Variants in ARHGAP24 observed in about 807,000 individuals in gnomAD.
ARHGAP24 encodes the protein Rho GTPase activating protein 24, also known as rho GTPase-activating protein 24.
In ARHGAP24, 50 loss-of-function variants were observed where a neutral mutation model predicts 76.4. That is an observed-to-expected ratio of 0.65 (90% confidence interval 0.52 to 0.83). ARHGAP24 has a LOEUF of 0.83. Ranked by LOEUF, ARHGAP24 falls within the 40% of genes least tolerant of loss-of-function variation. The probability of loss-of-function intolerance (pLI) is 0.00; values close to 1 mark genes in which losing one functional copy is unlikely to be tolerated. For missense variants in ARHGAP24, 930 were observed against 914.2 expected, an observed-to-expected ratio of 1.02 and a Z score of -0.22; for synonymous variants, 345 against 323.3, an observed-to-expected ratio of 1.07 and a Z score of -0.72.
intron 3 of ARHGAP24, among the ~76,000 whole-genome samples, chr4:85,747,572 G>A (rs1286911002): frequency 1.3e-5 from 2 of 151,788 alleles, no homozygotes; most frequent in East Asian, 1.9e-4. Context: ...GCGTAGTGGC[G>A]GGCGCCTGTA....
intron 2 of ARHGAP24, among the ~76,000 whole-genome samples, chr4:85,714,782 C>G (rs904611208): frequency 2.0e-5 from 3 of 152,012 alleles, no homozygotes; most frequent in African/African-American, 7.2e-5. Context: ...CTTTTCTCCC[C>G]CTGGTAGTAC....
chr4:85,714,423 T>A (rs1048035230), intron 2 of ARHGAP24, among the ~76,000 whole-genome samples: 1 of 152,092 alleles, frequency 6.6e-6, no homozygotes, highest in Non-Finnish European at 1.5e-5. Flanking sequence ...AGAATGATAA[T>A]GCTTCTCAAG....
At chr4:85,968,321 G>T (rs1738754532) in intron 5 of ARHGAP24, among the ~76,000 whole-genome samples, 1 of 152,072 alleles carries the variant, frequency 6.6e-6, no homozygotes. Context: ...TTAGGTGAAG[G>T]ATTTTTATTC....
chr4:85,616,061 A>G (rs895416417), intron 2 of ARHGAP24, among the ~76,000 whole-genome samples: 1 of 152,238 alleles, frequency 6.6e-6, no homozygotes, highest in African/African-American at 2.4e-5. Context: ...CAGATCAGAC[A>G]CTGGAGAACT....
intron 5 of ARHGAP24, among the ~76,000 whole-genome samples, chr4:85,958,203 T>C (rs1738036094): frequency 6.6e-6 from 1 of 152,182 alleles, no homozygotes; most frequent in Non-Finnish European, 1.5e-5. Flanking sequence ...TCAAAACTAA[T>C]TTCCTCATAT....
chr4:85,599,652 C>T (rs902131436), intron 2 of ARHGAP24, among the ~76,000 whole-genome samples: 2 of 151,996 alleles, frequency 1.3e-5, no homozygotes. Context: ...GAGAAATACA[C>T]ATGAATTGCT....
At chr4:85,776,367 C>G (rs1159379797) in intron 3 of ARHGAP24, among the ~76,000 whole-genome samples, 1 of 152,156 alleles carries the variant, frequency 6.6e-6, no homozygotes, top group Non-Finnish European at 1.5e-5. Context: ...CCCCACTAAA[C>G]TACACTAGTA....
chr4:85,769,085 A>G (rs1727033317), intron 3 of ARHGAP24, among the ~76,000 whole-genome samples: 1 of 152,280 alleles, frequency 6.6e-6, no homozygotes, highest in African/African-American at 2.4e-5. Flanking sequence ...AGAAATAGTC[A>G]TATCCTTATG....
intron 5 of ARHGAP24, among the ~76,000 whole-genome samples, chr4:85,942,643 A>G (rs1289186853): frequency 2.6e-5 from 4 of 152,190 alleles, no homozygotes; most frequent in Non-Finnish European, 5.9e-5. Context: ...TAGAGATTGA[A>G]ATATTGGCAA....
intron 6 of ARHGAP24, among the ~76,000 whole-genome samples, chr4:85,973,831 TTG>T (rs1739136009): frequency 1.9e-5 from 2 of 103,114 alleles, no homozygotes; most frequent in South Asian, 4.5e-4. Flanking sequence ...CTGCTGCCTA[TTG>T]TTTTTTTTTT....
intron 3 of ARHGAP24, among the ~76,000 whole-genome samples, chr4:85,772,942 T>C (rs1183505848): frequency 2.0e-5 from 3 of 152,204 alleles, no homozygotes; most frequent in Non-Finnish European, 2.9e-5. Context: ...ATGCGCCTCA[T>C]AGACAGATGA....
chr4:85,571,915 A>C (rs1164718637), intron 2 of ARHGAP24, among the ~76,000 whole-genome samples: 4 of 152,202 alleles, frequency 2.6e-5, no homozygotes, highest in Non-Finnish European at 4.4e-5. Flanking sequence ...AGTAAGTTTG[A>C]GTTCGTATAG....
At chr4:85,724,489 GTGTATATATATATATATATA>G (rs36227281) in intron 3 of ARHGAP24, among the ~76,000 whole-genome samples, 68,725 of 131,400 alleles carry the variant, frequency 0.52, 19,562 homozygotes, top group Non-Finnish European at 0.66. Flanking sequence ...TTTTCCATGT[GTGTATATATATATATATATA>G]TATATATATA....
At chr4:85,714,480 A>G (rs2110037221) in intron 2 of ARHGAP24, among the ~76,000 whole-genome samples, 1 of 152,140 alleles carries the variant, frequency 6.6e-6, no homozygotes. Flanking sequence ...GAGACATCTG[A>G]TTATTTGTTT....
chr4:85,636,367 T>C (rs1208154483), intron 2 of ARHGAP24, among the ~76,000 whole-genome samples: 1 of 151,954 alleles, frequency 6.6e-6, no homozygotes, highest in Non-Finnish European at 1.5e-5. Context: ...TTATGGGTGT[T>C]CTAGTTGCAG....
chr4:85,909,892 C>T (rs1287659048), intron 3 of ARHGAP24, among the ~76,000 whole-genome samples: 2 of 152,202 alleles, frequency 1.3e-5, no homozygotes, highest in African/African-American at 4.8e-5. Flanking sequence ...GCCAGTGGCA[C>T]CTTTGCCTGA....
At chr4:85,628,543 T>G (rs371874485) in intron 2 of ARHGAP24, among the ~76,000 whole-genome samples, 42 of 152,232 alleles carry the variant, frequency 2.8e-4, no homozygotes, top group Admixed American at 1.2e-3. Context: ...TCACATCCAC[T>G]GTTTCCTCAC....
intron 2 of ARHGAP24, among the ~76,000 whole-genome samples, chr4:85,602,765 A>G (rs1365662684): frequency 6.6e-6 from 1 of 152,188 alleles, no homozygotes; most frequent in East Asian, 1.9e-4. Context: ...ACAGTGGCCT[A>G]TCTCTTCCTA....
At chr4:85,504,974 C>T (rs554242703) in intron 1 of ARHGAP24, among the ~76,000 whole-genome samples, 1 of 152,206 alleles carries the variant, frequency 6.6e-6, no homozygotes, top group African/African-American at 2.4e-5. Flanking sequence ...TCCCTTCACT[C>T]ATGAAGCTTA....
Sources: gnomAD v4.1 joint callset for allele counts (sites outside exome capture counted in the v4.1 genomes callset) on GRCh38, gnomAD v4.1.1 for gene constraint, MANE v1.5 for transcripts, NCBI Gene and HGNC (gene_info 2026-07-23, HGNC 2026-07-21) for gene names.